ARMC3: variants seen among roughly 807,000 people sequenced by gnomAD.
ARMC3 encodes armadillo repeat containing 3.
In ARMC3, 74 loss-of-function variants were observed where a neutral mutation model predicts 90.3. The observed-to-expected ratio is 0.82, with a 90% CI of 0.68 to 0.99. The LOEUF (loss-of-function observed/expected upper bound fraction) is 0.99, where lower values mean the gene tolerates loss of function less well. ARMC3 is among the 50% of genes least tolerant of loss of function. The pLI, the probability that ARMC3 is intolerant of heterozygous loss-of-function variation, is 0.00. For synonymous variants in ARMC3, 334 were observed against 361.8 expected (o/e 0.92, Z 0.87); for missense variants, 958 against 1,042.8 (o/e 0.92, Z 1.12).
intron 11 of ARMC3, among the ~76,000 whole-genome samples, chr10:23,001,390 C>T (rs1837281792): frequency 6.6e-6 from 1 of 152,140 alleles, no homozygotes; most frequent in South Asian, 2.1e-4. Flanking sequence ...GCAACCTCTG[C>T]TTCCATCACG....
At chr10:23,022,840 G>T (rs572908744) in intron 16 of ARMC3, among the ~76,000 whole-genome samples, 1 of 152,136 alleles carries the variant, frequency 6.6e-6, no homozygotes, top group Admixed American at 6.5e-5. Context: ...GGCCAGAAGG[G>T]ACCTGCTCAG....
chr10:23,013,690 G>A (rs1838130830), intron 16 of ARMC3, among the ~76,000 whole-genome samples: 3 of 152,084 alleles, frequency 2.0e-5, no homozygotes, highest in African/African-American at 7.2e-5. Context: ...ATAATATAAT[G>A]TCTCCATGCT....
At chr10:22,991,685 C>T (rs574441755) in intron 10 of ARMC3, among the ~76,000 whole-genome samples, 4 of 151,984 alleles carry the variant, frequency 2.6e-5, no homozygotes, top group Admixed American at 1.3e-4. Context: ...GCCATGGCCC[C>T]GGGGTTAGGA....
intron 16 of ARMC3, among the ~76,000 whole-genome samples, chr10:23,020,123 T>C (rs756737288): frequency 1.4e-4 from 21 of 147,736 alleles, no homozygotes; most frequent in Non-Finnish European, 2.5e-4. Context: ...GTTTTTGTTT[T>C]GTTTTGTTTT....
intron 6 of ARMC3, chr10:22,960,489 TAA>T (rs1174570556): frequency 6.6e-6 from 1 of 152,100 alleles, no homozygotes; most frequent in African/African-American, 2.4e-5. Flanking sequence ...CCTCCCTCCC[TAA>T]AAAAGAGACC....
At chr10:23,017,399 CTTAAAG>C (rs374316935) in intron 16 of ARMC3, among the ~76,000 whole-genome samples, 4 of 152,274 alleles carry the variant, frequency 2.6e-5, no homozygotes, top group East Asian at 1.9e-4. Flanking sequence ...TCAAGTAATA[CTTAAAG>C]TTAAATAATT....
rs535457432 is a variant in ARMC3, at chr10:22,968,100, G to A, written c.733-206G>A. ...TTACTTTTTATCCATAAAACATTTT[G>A]GAGTAAGGGAAAGGAGAAAAGACAG... On this transcript the variant is annotated intron_variant, in intron 7 of 18. Transcript: ENST00000298032. Among the ~76,000 whole-genome samples the A allele has an allele frequency of 8.5e-4, 130 of 152,240 alleles. 1 individual carries two copies. In the South Asian group the frequency reaches 0.012, roughly 14 times the overall value.
chr10:23,028,559 T>C (rs1838807370), intron 16 of ARMC3, among the ~76,000 whole-genome samples: 1 of 152,150 alleles, frequency 6.6e-6, no homozygotes, highest in African/African-American at 2.4e-5. Context: ...TATTTATGGG[T>C]TTTATTTACA....
chr10:22,988,925 C>T (rs1836579709), intron 10 of ARMC3, among the ~76,000 whole-genome samples: 1 of 152,168 alleles, frequency 6.6e-6, no homozygotes, highest in Non-Finnish European at 1.5e-5. Flanking sequence ...AATGCAAGTT[C>T]GTGTTGTAGA....
intron 2 of ARMC3, among the ~76,000 whole-genome samples, chr10:22,942,298 G>C (rs935568496): frequency 6.6e-6 from 1 of 152,178 alleles, no homozygotes; most frequent in Non-Finnish European, 1.5e-5. Context: ...TGAACACTGT[G>C]GGTGCGGCAG....
chr10:23,008,453 T>G, intron 15 of ARMC3, 79 bp downstream of exon 15: 1 of 788,650 alleles, frequency 1.3e-6, no homozygotes, highest in South Asian at 1.7e-5. Flanking sequence ...AGATTTTAGA[T>G]TGGGGCAACT....
chr10:23,012,368 A>G (rs182180891), intron 16 of ARMC3, among the ~76,000 whole-genome samples: 170 of 152,112 alleles, frequency 1.1e-3, no homozygotes, highest in African/African-American at 4.0e-3. Flanking sequence ...CATCCTTTGC[A>G]ATACCGTAAA....
intron 2 of ARMC3, 31 bp downstream of exon 2, chr10:22,932,075 T>C (rs548454935): frequency 6.5e-7 from 1 of 1,549,446 alleles, no homozygotes; most frequent in Admixed American, 2.0e-5. Flanking sequence ...CTAGTAGCAC[T>C]TTAACAACCA....
chr10:23,001,822 TA>T, intron 11 of ARMC3, 96 bp from the exon 12 acceptor site: 1 of 1,376,648 alleles, frequency 7.3e-7, no homozygotes, highest in Non-Finnish European at 9.8e-7. Flanking sequence ...TTTACATAGT[TA>T]AAACCTTTTA....
At chr10:22,976,884 C>T (rs1835948583) in intron 8 of ARMC3, among the ~76,000 whole-genome samples, 1 of 152,138 alleles carries the variant, frequency 6.6e-6, no homozygotes, top group Admixed American at 6.5e-5. Context: ...TCACGGACTG[C>T]CTGAAGCCCA....
At chr10:23,002,124 G>C in intron 12 of ARMC3, 69 bp downstream of exon 12, 1 of 1,547,754 alleles carries the variant, frequency 6.5e-7, no homozygotes, top group Non-Finnish European at 8.7e-7. Flanking sequence ...CACTCTTTAG[G>C]CCCAAGGAAT....
intron 10 of ARMC3, among the ~76,000 whole-genome samples, chr10:22,994,268 G>C (rs1011014493): frequency 6.6e-6 from 1 of 152,118 alleles, no homozygotes; most frequent in Admixed American, 6.5e-5. Context: ...ATGTGGGAAA[G>C]AGCCTGGCAT....
intron 16 of ARMC3, among the ~76,000 whole-genome samples, chr10:23,012,982 A>C (rs1205564563): frequency 1.4e-5 from 2 of 146,542 alleles, no homozygotes; most frequent in African/African-American, 5.2e-5. Flanking sequence ...TCCGCCTCCC[A>C]GGTTCACGCA....
intron 10 of ARMC3, among the ~76,000 whole-genome samples, chr10:22,991,336 A>C (rs1237039697): frequency 6.6e-6 from 1 of 152,216 alleles, no homozygotes; most frequent in East Asian, 1.9e-4. Context: ...GGGAGTCTGG[A>C]ATCCAGCTTC....
Sources: gnomAD v4.1 joint callset for allele counts (sites outside exome capture counted in the v4.1 genomes callset) on GRCh38, gnomAD v4.1.1 for gene constraint, MANE v1.5 for transcripts, NCBI Gene and HGNC (gene_info 2026-07-23, HGNC 2026-07-21) for gene names.